The following DLG2 variants were observed in gnomAD, a reference collection of about 807,000 sequenced individuals.
DLG2 encodes discs large MAGUK scaffold protein 2.
Under a neutral mutation model 132.5 loss-of-function variants are expected in DLG2, and 45 were observed. The ratio of observed to expected loss-of-function variants is 0.34; its 90% CI spans 0.27 to 0.44. The LOEUF is 0.44. Ranked by LOEUF, DLG2 falls within the 20% of genes least tolerant of loss-of-function variation. The pLI is 1.00. For missense variants in DLG2, 1,045 were observed against 1,196.9 expected, an observed-to-expected ratio of 0.87 and a Z score of 1.87; for synonymous variants, 424 against 419.6, an observed-to-expected ratio of 1.01 and a Z score of -0.13.
Position 85,234,111 on chromosome 11 carries a change from C to A in DLG2, c.186+51109G>T, listed in dbSNP as rs532022432. ...GTGGCCTCTGCCCTCACAGAGCTTA[C>A]CCTCTAGTAGGGGAAACAGACATTT... On this transcript the variant is annotated intron_variant, in intron 4 of 27. Transcript: ENST00000376104. Among the ~76,000 whole-genome samples, 7 of 151,898 alleles carry A rather than the reference C, an allele frequency of 4.6e-5. No individual in the cohort carries two copies. In the East Asian group the frequency reaches 1.4e-3, roughly 30 times the overall value.
At chr11:85,356,859 T>C (rs1347090419) in intron 3 of DLG2, among the ~76,000 whole-genome samples, 1 of 152,084 alleles carries the variant, frequency 6.6e-6, no homozygotes, top group Non-Finnish European at 1.5e-5. Flanking sequence ...TCTTTCATTT[T>C]GCTCAGTGAA....
At chr11:84,525,787 T>C (rs903994728) in intron 7 of DLG2, among the ~76,000 whole-genome samples, 6 of 152,208 alleles carry the variant, frequency 3.9e-5, no homozygotes, top group African/African-American at 9.6e-5. Context: ...ATGGGATGTT[T>C]GGGCCCACTC....
intron 6 of DLG2, among the ~76,000 whole-genome samples, chr11:84,878,898 C>T (rs764626749): frequency 9.9e-5 from 15 of 152,064 alleles, no homozygotes; most frequent in Non-Finnish European, 1.8e-4. Flanking sequence ...TGATATTTGC[C>T]CCCTGTGGCA....
At chr11:84,779,194 G>A (rs1018817078) in intron 6 of DLG2, among the ~76,000 whole-genome samples, 9 of 148,912 alleles carry the variant, frequency 6.0e-5, no homozygotes, top group Admixed American at 3.4e-4. Flanking sequence ...ATATATGTGC[G>A]CACACACACA....
chr11:84,843,527 A>C (rs2080977868), intron 6 of DLG2, among the ~76,000 whole-genome samples: 1 of 151,868 alleles, frequency 6.6e-6, no homozygotes, highest in Non-Finnish European at 1.5e-5. Context: ...TAATAGGGAG[A>C]GATATAAAAA....
At chr11:85,087,099 A>G (rs910319763) in intron 6 of DLG2, among the ~76,000 whole-genome samples, 1 of 152,204 alleles carries the variant, frequency 6.6e-6, no homozygotes, top group Non-Finnish European at 1.5e-5. Context: ...ACAAATATTT[A>G]ATGAACTCTA....
chr11:83,827,500 C>T (rs1343466205), intron 17 of DLG2, among the ~76,000 whole-genome samples: 1 of 152,060 alleles, frequency 6.6e-6, no homozygotes, highest in Non-Finnish European at 1.5e-5. Context: ...CCTATTATAC[C>T]TTCACTTCGA....
At chr11:83,742,282 A>C (rs1050423414) in intron 18 of DLG2, among the ~76,000 whole-genome samples, 2 of 151,720 alleles carry the variant, frequency 1.3e-5, no homozygotes, top group Admixed American at 1.3e-4. Flanking sequence ...AATTTGACTG[A>C]CTGTAGTAAT....
At chr11:84,965,526 C>T (rs188674201) in intron 6 of DLG2, among the ~76,000 whole-genome samples, 4 of 152,092 alleles carry the variant, frequency 2.6e-5, no homozygotes, top group Non-Finnish European at 4.4e-5. Flanking sequence ...GATGAGGGGT[C>T]ATCAAGACTA....
intron 9 of DLG2, among the ~76,000 whole-genome samples, chr11:84,151,945 G>T (rs541729419): frequency 6.6e-6 from 1 of 152,264 alleles, no homozygotes; most frequent in Admixed American, 6.5e-5. Flanking sequence ...CATTTATTGA[G>T]TCTTGCTTTA....
chr11:83,495,194 T>C (rs1438329787), intron 21 of DLG2, among the ~76,000 whole-genome samples: 1 of 152,126 alleles, frequency 6.6e-6, no homozygotes, highest in African/African-American at 2.4e-5. Context: ...GCAGGGTCTA[T>C]GTGGACATAA....
chr11:85,171,723 G>C (rs186271777), intron 4 of DLG2, among the ~76,000 whole-genome samples: 3 of 152,162 alleles, frequency 2.0e-5, no homozygotes, highest in Admixed American at 1.3e-4. Context: ...CCAAGTTCCT[G>C]GGGGGAAGGG....
At chr11:83,552,275 G>GT (rs1565767134) in intron 19 of DLG2, among the ~76,000 whole-genome samples, 1 of 152,112 alleles carries the variant, frequency 6.6e-6, no homozygotes, top group Non-Finnish European at 1.5e-5. Flanking sequence ...CAAATGGGGT[G>GT]TTTTTTAAGG....
At chr11:84,853,181 T>C (rs907476123) in intron 6 of DLG2, among the ~76,000 whole-genome samples, 1 of 151,992 alleles carries the variant, frequency 6.6e-6, no homozygotes, top group Non-Finnish European at 1.5e-5. Flanking sequence ...TCTGTGTTTT[T>C]AAAAGACTCT....
intron 9 of DLG2, among the ~76,000 whole-genome samples, chr11:84,139,655 C>T (rs767860108): frequency 6.6e-6 from 1 of 152,102 alleles, no homozygotes; most frequent in Non-Finnish European, 1.5e-5. Flanking sequence ...GATGAGAATA[C>T]TGAGCCACAG....
intron 2 of DLG2, among the ~76,000 whole-genome samples, chr11:85,600,279 T>A (rs914346791): frequency 2.0e-5 from 3 of 152,244 alleles, no homozygotes; most frequent in Admixed American, 1.3e-4. Flanking sequence ...TCAATTGCTT[T>A]CTTTTCCACT....
At chr11:85,181,989 G>A (rs1464301151) in intron 4 of DLG2, among the ~76,000 whole-genome samples, 1 of 151,918 alleles carries the variant, frequency 6.6e-6, no homozygotes, top group Non-Finnish European at 1.5e-5. Flanking sequence ...TCTTTGTGAT[G>A]TGGAAATTTG....
chr11:84,621,519 T>A (rs1248175370), intron 6 of DLG2, among the ~76,000 whole-genome samples: 1 of 152,212 alleles, frequency 6.6e-6, no homozygotes, highest in Non-Finnish European at 1.5e-5. Flanking sequence ...GCCTCATTTG[T>A]TCACTCGCTA....
chr11:83,554,501 A>G (rs1204678996), intron 19 of DLG2, among the ~76,000 whole-genome samples: 2 of 152,248 alleles, frequency 1.3e-5, no homozygotes, highest in Non-Finnish European at 2.9e-5. Context: ...ATACAGATAC[A>G]TGAAAAAATT....
Sources: allele counts gnomAD v4.1 joint callset (sites outside exome capture counted in the v4.1 genomes callset), GRCh38; gene constraint gnomAD v4.1.1; transcripts MANE v1.5; gene names NCBI Gene and HGNC (gene_info 2026-07-23, HGNC 2026-07-21).